KIFAP3: variants seen among roughly 807,000 people sequenced by gnomAD.
KIFAP3 encodes the protein kinesin associated protein 3.
KIFAP3 carries 68 observed loss-of-function variants against 106.5 expected under a neutral mutation model. The observed-to-expected ratio is 0.64, with a 90% CI of 0.53 to 0.78. The LOEUF is 0.78. Among genes scored for constraint, KIFAP3 ranks in the 30% least tolerant of loss-of-function variants. The pLI is 0.00. For missense variants in KIFAP3, 780 were observed against 941.8 expected, an observed-to-expected ratio of 0.83 and a Z score of 2.25; for synonymous variants, 320 against 311.5, an observed-to-expected ratio of 1.03 and a Z score of -0.29.
At chr1:170,032,722 C>G (rs1172384129) in intron 7 of KIFAP3, among the ~76,000 whole-genome samples, 1 of 151,526 alleles carries the variant, frequency 6.6e-6, no homozygotes, top group Non-Finnish European at 1.5e-5. Context: ...GAGAAATGAC[C>G]AGAATTCTGA....
Position 170,074,555 on chromosome 1 carries a change from C to T in KIFAP3, c.-88G>A, listed in dbSNP as rs1571778550. The T allele has an allele frequency of 1.1e-5, 17 of 1,598,088 alleles. No individual in the cohort carries two copies. In the East Asian group the frequency reaches 3.8e-4, roughly 36 times the overall value. The stretch of plus-strand genomic sequence containing the variant: ...GGGGACGGTGGCCAAAGTACCCTCA[C>T]ACCCAGAGGCGATGACAGTCCTGAG... On this transcript the variant is annotated 5_prime_UTR_variant, in exon 1 of 20. It adds an upstream start codon to the 5' untranslated region. Coordinates refer to ENST00000361580, the MANE Select transcript of KIFAP3 (RefSeq NM_014970.4).
At chr1:170,041,319 C>T (rs1320250004) in intron 3 of KIFAP3, among the ~76,000 whole-genome samples, 1 of 151,940 alleles carries the variant, frequency 6.6e-6, no homozygotes, top group Non-Finnish European at 1.5e-5. Flanking sequence ...CTACTTAGTC[C>T]AATCAAAACT....
At chr1:169,949,932 GGGATA>G (rs1664643322) in intron 19 of KIFAP3, among the ~76,000 whole-genome samples, 1 of 152,064 alleles carries the variant, frequency 6.6e-6, no homozygotes, top group Non-Finnish European at 1.5e-5. Flanking sequence ...CTTATAGAAT[GGGATA>G]GATGAGTTTA....
intron 19 of KIFAP3, among the ~76,000 whole-genome samples, chr1:169,942,206 T>G (rs987348593): frequency 6.6e-6 from 1 of 152,182 alleles, no homozygotes; most frequent in Non-Finnish European, 1.5e-5. Context: ...TACAAACTTA[T>G]GTTGAAACTA....
chr1:170,076,725 AAAT>A (rs1158788920), upstream of KIFAP3, among the ~76,000 whole-genome samples: 2 of 152,230 alleles, frequency 1.3e-5, no homozygotes, highest in Non-Finnish European at 2.9e-5. Context: ...GAATGGAGAA[AAAT>A]AATGATAGTT....
chr1:170,080,189 A>G (rs1452351914), intron 1 of KIFAP3, among the ~76,000 whole-genome samples: 1 of 152,126 alleles, frequency 6.6e-6, no homozygotes, highest in Non-Finnish European at 1.5e-5. Context: ...AGCAATAAAT[A>G]TGTAGGGATA....
chr1:170,007,051 C>A (rs1243519929), intron 10 of KIFAP3, among the ~76,000 whole-genome samples: 2 of 151,984 alleles, frequency 1.3e-5, no homozygotes, highest in Non-Finnish European at 2.9e-5. Flanking sequence ...TCCTGGAAAA[C>A]CAATGGAAAA....
intron 10 of KIFAP3, among the ~76,000 whole-genome samples, chr1:170,004,702 T>C (rs1227386837): frequency 6.6e-6 from 1 of 151,582 alleles, no homozygotes; most frequent in Non-Finnish European, 1.5e-5. Context: ...ATACAAAAAT[T>C]AATTCAAGAT....
Position 170,074,618 on chromosome 1 carries a change from A to C in KIFAP3, c.-151T>G. 1 of 1,505,722 alleles carries C rather than the reference A, an allele frequency of 6.6e-7. No individual in the cohort carries two copies. The allele number at this position is 1,505,722 out of a possible 1,614,324, so 93.3% of individuals were successfully genotyped here. ...GGGCAGCAGCGGCGCTGTGGTTACCACGGTGAAGCCTCCAGCTCCTCCCAC... is the reference window on the plus strand; with the variant it reads ...GGGCAGCAGCGGCGCTGTGGTTACCCCGGTGAAGCCTCCAGCTCCTCCCAC... On this transcript the variant is annotated 5_prime_UTR_variant, in exon 1 of 20. Coordinates refer to ENST00000361580, the MANE Select transcript of KIFAP3 (RefSeq NM_014970.4).
chr1:169,950,649 C>G (rs1664681600), intron 19 of KIFAP3, among the ~76,000 whole-genome samples: 1 of 152,052 alleles, frequency 6.6e-6, no homozygotes, highest in Non-Finnish European at 1.5e-5. Flanking sequence ...TCTGCTTATT[C>G]TCATCTTTAC....
intron 18 of KIFAP3, among the ~76,000 whole-genome samples, chr1:169,957,322 A>C (rs1665071408): frequency 6.6e-6 from 1 of 152,194 alleles, no homozygotes; most frequent in Non-Finnish European, 1.5e-5. Flanking sequence ...AGTATTATAC[A>C]CATTTACAGT....
At chr1:169,997,082 A>T (rs1384525273) in intron 10 of KIFAP3, among the ~76,000 whole-genome samples, 1 of 152,220 alleles carries the variant, frequency 6.6e-6, no homozygotes, top group Non-Finnish European at 1.5e-5. Context: ...TGATAAAAGC[A>T]ATACTCTAAC....
intron 11 of KIFAP3, among the ~76,000 whole-genome samples, chr1:169,985,358 G>A (rs1257523707): frequency 6.6e-6 from 1 of 151,830 alleles, no homozygotes; most frequent in East Asian, 1.9e-4. Flanking sequence ...ACTAGGTAGA[G>A]ATAAAAGGAT....
chr1:169,923,212 T>G (rs1268438338), intron 19 of KIFAP3: 1 of 353,008 alleles, frequency 2.8e-6, no homozygotes, highest in Non-Finnish European at 4.0e-6. Context: ...CAAAGTTGGT[T>G]GAAATTTTTA....
intron 1 of KIFAP3, among the ~76,000 whole-genome samples, chr1:170,082,742 G>A (rs934696454): frequency 6.6e-6 from 1 of 152,176 alleles, no homozygotes; most frequent in African/African-American, 2.4e-5. Context: ...GGGGGCCAAG[G>A]TGGGAGGATC....
At chr1:170,060,622 G>A (rs1671096599) in intron 1 of KIFAP3, among the ~76,000 whole-genome samples, 1 of 152,102 alleles carries the variant, frequency 6.6e-6, no homozygotes, top group South Asian at 2.1e-4. Context: ...TCCCCATCAA[G>A]CTATCAATGA....
At chr1:170,070,018 T>C (rs532533735) in intron 1 of KIFAP3, among the ~76,000 whole-genome samples, 1 of 152,194 alleles carries the variant, frequency 6.6e-6, no homozygotes, top group East Asian at 1.9e-4. Flanking sequence ...TTTTTCTACA[T>C]ATTGGAGCTG....
intron 10 of KIFAP3, among the ~76,000 whole-genome samples, chr1:170,013,423 C>T (rs1016375534): frequency 6.6e-6 from 1 of 150,472 alleles, no homozygotes; most frequent in Admixed American, 6.6e-5. Flanking sequence ...TTTAACTTTT[C>T]CCTATTCATA....
chr1:170,017,039 A>G (rs1420007934), intron 9 of KIFAP3, among the ~76,000 whole-genome samples: 1 of 152,200 alleles, frequency 6.6e-6, no homozygotes, highest in Non-Finnish European at 1.5e-5. Context: ...CGGGCAGATC[A>G]CGAGGTCAAG....
Sources: gnomAD v4.1 joint callset for allele counts (sites outside exome capture counted in the v4.1 genomes callset) on GRCh38, gnomAD v4.1.1 for gene constraint, MANE v1.5 for transcripts, NCBI Gene and HGNC (gene_info 2026-07-23, HGNC 2026-07-21) for gene names.